ADGRV1: variants seen among roughly 807,000 people sequenced by gnomAD.
ADGRV1 encodes the protein G-protein coupled receptor 98.
In ADGRV1, 359 loss-of-function variants were observed where a neutral mutation model predicts 596.2. The observed-to-expected ratio is 0.60, with a 90% CI of 0.55 to 0.66. ADGRV1 has a LOEUF of 0.66. Among genes scored for constraint, ADGRV1 ranks in the 30% least tolerant of loss-of-function variants. The pLI is 0.00. For synonymous variants in ADGRV1, 2,681 were observed against 2,679.2 expected, an observed-to-expected ratio of 1.00 and a Z score of -0.02; for missense variants, 7,274 against 7,575.6, an observed-to-expected ratio of 0.96 and a Z score of 1.48.
intron 85 of ADGRV1, among the ~76,000 whole-genome samples, chr5:91,032,208 T>C (rs1258771179): frequency 2.6e-5 from 4 of 152,214 alleles, no homozygotes; most frequent in Non-Finnish European, 5.9e-5. Flanking sequence ...GTCTGGGGAT[T>C]GCAAAGAGGC....
chr5:91,096,228 G>A (rs1475079824), intron 86 of ADGRV1, among the ~76,000 whole-genome samples: 2 of 152,196 alleles, frequency 1.3e-5, no homozygotes, highest in East Asian at 3.8e-4. Context: ...TCATGTAAAT[G>A]GAGTGTGATT....
Position 90,721,300 on chromosome 5 carries a change from C to T in ADGRV1, c.9748+241C>T, listed in dbSNP as rs148784711. Reference sequence around the variant, plus strand: ...CGGGTGGATCACAAGGTCAGGAGATCGAGACCATCCTGGCTAACATGGTGA... The same window carrying T: ...CGGGTGGATCACAAGGTCAGGAGATTGAGACCATCCTGGCTAACATGGTGA... On this transcript the variant is annotated intron_variant, in intron 45 of 89. Coordinates refer to ENST00000405460, the MANE Select transcript of ADGRV1 (RefSeq NM_032119.4). Among the ~76,000 whole-genome samples, 4,994 of 151,724 alleles carry T rather than the reference C, an allele frequency of 0.033. 304 individuals are homozygous for T. Among genetic ancestry groups the T allele is most frequent in the African/African-American group, 0.11 (4,656 of 41,308 alleles).
intron 29 of ADGRV1, among the ~76,000 whole-genome samples, chr5:90,689,048 A>G (rs1289656020): frequency 6.6e-6 from 1 of 152,218 alleles, no homozygotes; most frequent in Non-Finnish European, 1.5e-5. Flanking sequence ...CCTGAGAACT[A>G]TTCAATTCGA....
chr5:90,721,139 A>G, intron 45 of ADGRV1, 80 bp downstream of exon 45: 1 of 1,153,656 alleles, frequency 8.7e-7, no homozygotes, highest in South Asian at 1.5e-5. Context: ...TTTCCTTTGA[A>G]TTGTATGTTA....
chr5:90,703,829 C>G (rs776964418), intron 35 of ADGRV1, 34 bp downstream of exon 35: 5 of 1,511,764 alleles, frequency 3.3e-6, no homozygotes, highest in Middle Eastern at 1.7e-4. Flanking sequence ...TCACAAATAT[C>G]TAGAAAGAAT....
intron 1 of ADGRV1, among the ~76,000 whole-genome samples, chr5:90,587,661 A>G (rs1469114130): frequency 1.3e-5 from 2 of 149,318 alleles, no homozygotes; most frequent in African/African-American, 4.9e-5. Context: ...GGTTCAAGCT[A>G]TTCCTCCTGC....
At chr5:91,110,275 G>A (rs1792255578) in intron 87 of ADGRV1, among the ~76,000 whole-genome samples, 1 of 152,142 alleles carries the variant, frequency 6.6e-6, no homozygotes, top group Admixed American at 6.5e-5. Context: ...TTTATACTCA[G>A]CTGGTAGGCC....
At chr5:91,088,037 C>CATAA (rs1354392540) in intron 86 of ADGRV1, among the ~76,000 whole-genome samples, 1 of 152,076 alleles carries the variant, frequency 6.6e-6, no homozygotes, top group Non-Finnish European at 1.5e-5. Flanking sequence ...TAAATTTTAT[C>CATAA]ATAAATAGCC....
intron 87 of ADGRV1, among the ~76,000 whole-genome samples, chr5:91,149,285 C>G (rs1190675695): frequency 6.6e-6 from 1 of 152,192 alleles, no homozygotes; most frequent in Non-Finnish European, 1.5e-5. Flanking sequence ...TTATAATAAT[C>G]CCCATGTGTC....
intron 1 of ADGRV1, among the ~76,000 whole-genome samples, chr5:90,607,437 A>G (rs1052812297): frequency 3.3e-5 from 5 of 152,076 alleles, no homozygotes; most frequent in Non-Finnish European, 5.9e-5. Context: ...GAAAGGTAAA[A>G]CAGGATCTCT....
At chr5:90,971,881 G>A (rs982274905) in intron 84 of ADGRV1, among the ~76,000 whole-genome samples, 1 of 152,160 alleles carries the variant, frequency 6.6e-6, no homozygotes, top group African/African-American at 2.4e-5. Context: ...TGGGCTAAAT[G>A]CTCCAATTAA....
intron 59 of ADGRV1, among the ~76,000 whole-genome samples, chr5:90,766,128 C>T (rs1205581244): frequency 2.0e-5 from 3 of 152,098 alleles, no homozygotes; most frequent in Admixed American, 1.3e-4. Context: ...CCAGGATGGT[C>T]TTGATCTCCT....
rs1765385305 is a variant in ADGRV1 at position 90,841,063 on chromosome 5, TTC to T, written c.17019+82_17019+83del. On this transcript the variant is annotated intron_variant, in intron 78 of 89. Coordinates refer to ENST00000405460, the MANE Select transcript of ADGRV1 (RefSeq NM_032119.4). ...AAACCCAAGTAAAACCAAAATCACA[TTC>T]TCTTTTAACATTGGTTATTATGAAA... 8 of 973,278 alleles carry T rather than the reference TTC, an allele frequency of 8.2e-6. 1 individual carries two copies. The South Asian group carries it at 1.7e-4, about 21-fold the overall frequency. 60.3% of individuals were successfully genotyped at this position (973,278 alleles called of 1,614,324 possible).
chr5:90,801,785 G>A (rs1167764335), intron 70 of ADGRV1, among the ~76,000 whole-genome samples: 1 of 152,138 alleles, frequency 6.6e-6, no homozygotes, highest in Non-Finnish European at 1.5e-5. Flanking sequence ...TAACTTGGGG[G>A]TTATTACCAA....
intron 1 of ADGRV1, among the ~76,000 whole-genome samples, chr5:90,595,222 C>A (rs1760174744): frequency 2.1e-5 from 1 of 48,064 alleles, no homozygotes; most frequent in Non-Finnish European, 4.5e-5. Context: ...CTGACCCCCC[C>A]ACCTCCTTCC....
chr5:90,980,157 A>G (rs1779968329), intron 84 of ADGRV1, among the ~76,000 whole-genome samples: 1 of 152,198 alleles, frequency 6.6e-6, no homozygotes, highest in Admixed American at 6.5e-5. Context: ...ATTCAAGAGT[A>G]CATCATCTTT....
intron 29 of ADGRV1, among the ~76,000 whole-genome samples, chr5:90,687,889 G>T (rs1313787613): frequency 3.3e-5 from 5 of 152,074 alleles, no homozygotes; most frequent in Non-Finnish European, 7.4e-5. Context: ...ACTGCTCAAC[G>T]AAATAAAAGA....
At position 90,993,154 on chromosome 5, in the gene ADGRV1, C is replaced by CTT. The variant is rs1235025923; in HGVS notation, c.18152+7655_18152+7656dup. On this transcript the variant is annotated intron_variant, in intron 85 of 89. Transcript: ENST00000405460. ...TTTCTCTGTCTTTCCTTGGTTTTCA[C>CTT]TTTTTTTTTTTTTTTTTTTTTTTTG... is the stretch of plus-strand genomic sequence containing the variant. 5.9e-3 allele frequency among the ~76,000 whole-genome samples: 580 copies of CTT among 97,588 alleles called. 3 individuals are homozygous for CTT. Among genetic ancestry groups the CTT allele is most frequent in the African/African-American group, 8.2e-3 (202 of 24,618 alleles). The allele number at this position is 97,588 out of a possible 152,430, so 64.0% of individuals were successfully genotyped here.
intron 85 of ADGRV1, among the ~76,000 whole-genome samples, chr5:90,990,069 C>T (rs561811445): frequency 1.3e-5 from 2 of 152,278 alleles, no homozygotes; most frequent in African/African-American, 2.4e-5. Context: ...CCGCCCACCT[C>T]GGCCTCCCAA....
Sources: allele counts gnomAD v4.1 joint callset (sites outside exome capture counted in the v4.1 genomes callset), GRCh38; gene constraint gnomAD v4.1.1; transcripts MANE v1.5; gene names NCBI Gene and HGNC (gene_info 2026-07-23, HGNC 2026-07-21).